The following PHF12 variants were observed in gnomAD, a reference collection of about 807,000 sequenced individuals.
The protein encoded by PHF12 is PHD finger protein 12.
In PHF12, 6 loss-of-function variants were observed where a neutral mutation model predicts 99.8. The observed-to-expected ratio is 0.06, with a 90% CI of 0.03 to 0.12. The LOEUF (loss-of-function observed/expected upper bound fraction) is 0.12, where lower values mean the gene tolerates loss of function less well. Among genes scored for constraint, PHF12 ranks in the 10% least tolerant of loss-of-function variants. The probability of loss-of-function intolerance (pLI) is 1.00; values close to 1 mark genes in which losing one functional copy is unlikely to be tolerated. For missense variants in PHF12, 954 were observed against 1,300.1 expected (o/e 0.73, Z 4.09); for synonymous variants, 480 against 514.9 (o/e 0.93, Z 0.92).
At position 28,944,540 on chromosome 17, in the gene PHF12, T is replaced by C. The variant is rs2040686026; in HGVS notation, c.248+5525A>G. ...ATTTAGGTGGACCAGTAAGACAACA[T>C]GACACGTAAGGCAGGAGAATCACTT... On this transcript the variant is annotated intron_variant, in intron 2 of 14. Transcript: ENST00000332830. 3.1e-6 allele frequency: 3 copies of C among 982,514 alleles called. No individual in the cohort carries two copies. The Admixed American group carries it at 1.8e-4, about 60-fold the overall frequency. The allele number at this position is 982,514 out of a possible 1,614,324, so 60.9% of individuals were successfully genotyped here.
At chr17:28,938,652 G>A (rs1259378754) in intron 2 of PHF12, among the ~76,000 whole-genome samples, 1 of 152,162 alleles carries the variant, frequency 6.6e-6, no homozygotes, top group African/African-American at 2.4e-5. Context: ...TTTGGGCCAT[G>A]CCAGCACAGG....
rs771367195 is a variant in PHF12, at chr17:28,950,229, C to T, written c.84G>A (p.Leu28=). ...GGLMEQIQAL[L]APPKTDEAEK... ...CTGCCTCGTCCGTCTTGGGGGGAGC[C>T]AGCAGAGCTTGGATTTGCTGCACAC... The change falls in exon 2 of 15, where the codon CTG becomes CTA. Residue 28 remains leucine, a synonymous_variant. Coordinates refer to ENST00000332830, the MANE Select transcript of PHF12 (RefSeq NM_001033561.2). This position sits in a 1 kb window ranked among gnomAD's most constrained non-coding sequence, Gnocchi z 5.7. The T allele has an allele frequency of 7.5e-6, 12 of 1,610,316 alleles. No homozygotes were observed. Among genetic ancestry groups the T allele is most frequent in the Non-Finnish European group, 1.0e-5 (12 of 1,179,880 alleles).
At chr17:28,922,011 G>C (rs1424717874) in intron 4 of PHF12, among the ~76,000 whole-genome samples, 1 of 152,176 alleles carries the variant, frequency 6.6e-6, no homozygotes, top group Admixed American at 6.5e-5. Flanking sequence ...TAATACGTAA[G>C]TCAGAACCAG....
Position 28,906,692 on chromosome 17 carries a change from G to GT in PHF12, c.2680+163_2680+164insA. The GT allele has an allele frequency of 2.5e-6, 3 of 1,221,940 alleles. No individual in the cohort carries two copies. The highest frequency in any genetic ancestry group is 3.4e-6 in the Non-Finnish European group (3 of 884,984). The allele number at this position is 1,221,940 out of a possible 1,614,324, so 75.7% of individuals were successfully genotyped here. On this transcript the variant is annotated intron_variant, in intron 14 of 14. Coordinates refer to ENST00000332830, the MANE Select transcript of PHF12 (RefSeq NM_001033561.2). The surrounding 1 kb of genome is among the most constrained non-coding windows in gnomAD (Gnocchi z 4.2). ...AGTCCCCACAGGTGTGTACACACAT[G>GT]GGGGTACTCAGCACTTGCTTCTCTG...
chr17:28,912,872 C>T lies in PHF12; in HGVS notation c.1699G>A (p.Gly567Ser), dbSNP rs1225378225. The T allele has an allele frequency of 6.2e-7, 1 of 1,611,996 alleles. No individual in the cohort carries two copies. Among genetic ancestry groups the T allele is most frequent in the South Asian group, 1.1e-5 (1 of 90,946 alleles). ...AGGCCTGGTAGTGGGGTGTTAGCGC[C>T]TGGAAGTCGCCGGGGGTCCGTGGAA... is the stretch of plus-strand genomic sequence containing the variant. ...TDSTDPRRLP[G>S]ANTPLPGLSH... The change falls in exon 9 of 15, where the codon GGC becomes AGC. Residue 567 changes from glycine to serine, a missense_variant. By Grantham distance (56) the Gly-to-Ser change is moderately conservative. This residue lies in a region of PHF12 where 392 missense variants were observed against 423.1 expected (regional missense o/e 0.93). Transcript: ENST00000332830.
Position 28,921,813 on chromosome 17 carries a change from A to G in PHF12, c.716-5T>C. 2 of 1,614,030 alleles carry G rather than the reference A, an allele frequency of 1.2e-6. No homozygotes were observed. The highest frequency in any genetic ancestry group is 1.7e-6 in the Non-Finnish European group (2 of 1,179,992). On this transcript the variant is annotated splice_region_variant and splice_polypyrimidine_tract_variant and intron_variant, in intron 4 of 14. Coordinates refer to ENST00000332830, the MANE Select transcript of PHF12 (RefSeq NM_001033561.2). ...TTCTTCTCCTCTTGCTAGAACCTAG[A>G]AAAGAAAATGATGGTGCTGAGCTAT... is the stretch of plus-strand genomic sequence containing the variant.
chr17:28,910,204 T>A, intron 11 of PHF12, 22 bp downstream of exon 11: 4 of 1,614,126 alleles, frequency 2.5e-6, no homozygotes, highest in Non-Finnish European at 3.4e-6. Context: ...GATGATGTGG[T>A]GACAGGTGTG....
At chr17:28,915,896 G>A (rs2040052831) in intron 7 of PHF12, among the ~76,000 whole-genome samples, 1 of 152,064 alleles carries the variant, frequency 6.6e-6, no homozygotes, top group African/African-American at 2.4e-5. Context: ...AAGGTGGGAG[G>A]GGCACCATAC....
intron 2 of PHF12, among the ~76,000 whole-genome samples, chr17:28,947,404 C>T (rs913192977): frequency 6.6e-6 from 1 of 151,878 alleles, no homozygotes; most frequent in African/African-American, 2.4e-5. Flanking sequence ...GTGGTGAAAC[C>T]CTGTCTCTAC....
At chr17:28,907,504 C>T in intron 13 of PHF12, 86 bp downstream of exon 13, 2 of 1,349,940 alleles carry the variant, frequency 1.5e-6, no homozygotes, top group South Asian at 1.2e-5. Context: ...CCTCTTCCCT[C>T]CCCTCAGGGC....
chr17:28,913,801 C>G, intron 8 of PHF12, 78 bp downstream of exon 8: 1 of 1,534,544 alleles, frequency 6.5e-7, no homozygotes, highest in Non-Finnish European at 8.8e-7. Context: ...GAGAATGACA[C>G]TGAGGCTACT....
chr17:28,907,022 T>C, intron 13 of PHF12, 28 bp from the exon 14 acceptor site: 5 of 1,582,570 alleles, frequency 3.2e-6, no homozygotes, highest in Non-Finnish European at 4.3e-6. Flanking sequence ...AGATAAGATG[T>C]GTGGTCTGCT....
intron 2 of PHF12, among the ~76,000 whole-genome samples, chr17:28,933,850 C>T (rs1461912343): frequency 6.6e-6 from 1 of 152,122 alleles, no homozygotes; most frequent in Non-Finnish European, 1.5e-5. Flanking sequence ...GAGTTAGAGG[C>T]CAGGCTGGGC....
intron 2 of PHF12, among the ~76,000 whole-genome samples, chr17:28,936,736 C>T (rs1237838390): frequency 2.0e-5 from 3 of 152,208 alleles, no homozygotes; most frequent in African/African-American, 7.2e-5. Context: ...AAGAGGTGTT[C>T]AGCAAGCAAA....
chr17:28,946,099 T>A (rs1245067365), intron 2 of PHF12, among the ~76,000 whole-genome samples: 1 of 152,138 alleles, frequency 6.6e-6, no homozygotes, highest in Non-Finnish European at 1.5e-5. Flanking sequence ...GCTACTGCAC[T>A]CCAGCCTCGG....
chr17:28,946,554 G>C (rs1374339449), intron 2 of PHF12, among the ~76,000 whole-genome samples: 1 of 152,142 alleles, frequency 6.6e-6, no homozygotes, highest in African/African-American at 2.4e-5. Context: ...ACCACTTTTG[G>C]AACACTTGTA....
intron 7 of PHF12, among the ~76,000 whole-genome samples, chr17:28,915,699 G>A (rs951338439): frequency 6.6e-6 from 1 of 152,208 alleles, no homozygotes; most frequent in Admixed American, 6.5e-5. Context: ...AAGATACAAA[G>A]TTCTCAGCAG....
At chr17:28,941,121 G>C (rs2040608239) in intron 2 of PHF12, among the ~76,000 whole-genome samples, 1 of 150,324 alleles carries the variant, frequency 6.7e-6, no homozygotes, top group Non-Finnish European at 1.5e-5. Flanking sequence ...AGCTTGTGCT[G>C]CATTAATATA....
At position 28,905,843 on chromosome 17, in the gene PHF12, A is replaced by AG. The variant is rs1464497387; in HGVS notation, c.*339dup. ...TCTGATTATTTTACAATGGTGGGCGAGGGGGAGGGAGCAGGAGGTGGGTGG... is the reference window on the plus strand; with the variant it reads ...TCTGATTATTTTACAATGGTGGGCGAGGGGGGAGGGAGCAGGAGGTGGGTGG... On this transcript the variant is annotated 3_prime_UTR_variant, in exon 15 of 15. Transcript: ENST00000332830. The AG allele has an allele frequency of 4.4e-6, 1 of 229,192 alleles. No individual in the cohort carries two copies. Among genetic ancestry groups the AG allele is most frequent in the Non-Finnish European group, 8.4e-6 (1 of 119,252 alleles). The allele number at this position is 229,192 out of a possible 1,614,324, so 14.2% of individuals were successfully genotyped here. A position where few individuals can be genotyped will look rare whatever the true frequency, so the allele number is the denominator to read the frequency against.
Sources: gnomAD v4.1 joint callset for allele counts (sites outside exome capture counted in the v4.1 genomes callset) on GRCh38, gnomAD v4.1.1 for gene constraint, gnomAD v4.1.1 regional missense constraint, Gnocchi (gnomAD v3.1) non-coding constraint, MANE v1.5 for transcripts, NCBI Gene and HGNC (gene_info 2026-07-23, HGNC 2026-07-21) for gene names.